Variants in MMD observed in about 807,000 individuals in gnomAD.
The protein encoded by MMD is monocyte to macrophage differentiation factor.
In MMD, 22 loss-of-function variants were observed where a neutral mutation model predicts 33.6. That is an observed-to-expected ratio of 0.66 (90% CI 0.47 to 0.94). The LOEUF (loss-of-function observed/expected upper bound fraction) is 0.94, where lower values mean the gene tolerates loss of function less well. MMD is among the 40% of genes least tolerant of loss of function. The probability of loss-of-function intolerance (pLI) is 0.00; values close to 1 mark genes in which losing one functional copy is unlikely to be tolerated. For synonymous variants in MMD, 97 were observed against 103.2 expected (o/e 0.94, Z 0.36); for missense variants, 242 against 309.8 (o/e 0.78, Z 1.64).
At chr17:55,402,090 A>C (rs1426520419) in intron 5 of MMD, among the ~76,000 whole-genome samples, 3 of 149,310 alleles carry the variant, frequency 2.0e-5, no homozygotes, top group Non-Finnish European at 4.5e-5. Context: ...TCAGTCTCAA[A>C]AAAAAAAAAA....
At position 55,394,467 on chromosome 17, in the gene MMD, A is replaced by G. The variant is rs1374798557; in HGVS notation, c.584T>C (p.Phe195Ser). Residue 195 changes from phenylalanine to serine, a missense_variant, in exon 7 of 7, where the codon TTC (phenylalanine) becomes TCC (serine). Transcript: ENST00000262065. The part of the protein sequence containing the change: ...GLIYCLGVVF[F>S]KSDGIIPFAH... ...AAATGGAATGATGCCATCACTCTTGAAGAACACAACTCCCAAGCAATAAAT... is the reference window on the plus strand; with the variant it reads ...AAATGGAATGATGCCATCACTCTTGGAGAACACAACTCCCAAGCAATAAAT... 3.2e-6 allele frequency: 5 copies of G among 1,548,978 alleles called. No homozygotes were observed. Among genetic ancestry groups the G allele is most frequent in the Non-Finnish European group, 3.5e-6 (4 of 1,151,970 alleles).
chr17:55,417,142 C>T (rs1907996544), intron 1 of MMD, among the ~76,000 whole-genome samples: 1 of 152,152 alleles, frequency 6.6e-6, no homozygotes, highest in South Asian at 2.1e-4. Context: ...CTGCAACCCA[C>T]CAGCAGATCT....
At chr17:55,421,646 G>A (rs1182522473) in intron 1 of MMD, 24 bp downstream of exon 1, 6 of 1,599,588 alleles carry the variant, frequency 3.8e-6, no homozygotes, top group East Asian at 2.3e-5. Context: ...ACGGGCAGCG[G>A]GACCGGGACG....
At chr17:55,421,119 C>A (rs1908169533) in intron 1 of MMD, among the ~76,000 whole-genome samples, 1 of 152,240 alleles carries the variant, frequency 6.6e-6, no homozygotes, top group Admixed American at 6.5e-5. Flanking sequence ...GCTAAGCTGG[C>A]GGAGCGTGCC....
chr17:55,401,074 A>G (rs1244392496), intron 6 of MMD, among the ~76,000 whole-genome samples: 2 of 152,256 alleles, frequency 1.3e-5, no homozygotes, highest in African/African-American at 4.8e-5. Flanking sequence ...AAAGTACCAT[A>G]AAGACAGAAA....
intron 3 of MMD, 152 bp from the exon 4 acceptor site, chr17:55,407,972 T>C (rs1907620781): frequency 1.7e-6 from 1 of 574,346 alleles, no homozygotes; most frequent in Non-Finnish European, 2.9e-6. Flanking sequence ...TTTGTTGCTG[T>C]TAATGTTATG....
intron 1 of MMD, 57 bp from the exon 2 acceptor site, chr17:55,414,289 A>T: frequency 7.2e-6 from 11 of 1,522,284 alleles, no homozygotes; most frequent in Non-Finnish European, 1.0e-5. Context: ...AAGAACAATG[A>T]GGAAACCCAC....
At chr17:55,405,726 G>A in intron 4 of MMD, among the ~76,000 whole-genome samples, 1 of 152,202 alleles carries the variant, frequency 6.6e-6, no homozygotes, top group East Asian at 1.9e-4. Flanking sequence ...AATTTAGTCA[G>A]ATGCTGGGCA....
chr17:55,401,639 A>G, intron 5 of MMD, 101 bp from the exon 6 acceptor site: 1 of 909,272 alleles, frequency 1.1e-6, no homozygotes, highest in Non-Finnish European at 1.6e-6. Context: ...AAGAAATGTA[A>G]ACTCTTAACT....
Position 55,392,962 on chromosome 17 carries a change from A to C in MMD, c.*1372T>G, listed in dbSNP as rs1214337565. ...CATCAGTAAAAAATTTCAATTAATA[A>C]GGTTATCATCAAACCAAGAATTCCA... is the stretch of plus-strand genomic sequence containing the variant. On this transcript the variant is annotated 3_prime_UTR_variant, in exon 7 of 7. Coordinates refer to ENST00000262065, the MANE Select transcript of MMD (RefSeq NM_012329.3). 3 of 152,156 alleles carry C rather than the reference A, an allele frequency of 2.0e-5. No homozygotes were observed. Among genetic ancestry groups the C allele is most frequent in the Admixed American group, 6.6e-5 (1 of 15,264 alleles). The allele number at this position is 152,156 out of a possible 1,614,324, so 9.4% of individuals were successfully genotyped here.
At position 55,411,386 on chromosome 17, in the gene MMD, G is replaced by A; in HGVS notation, c.140C>T (p.Ala47Val). The change falls in exon 3 of 7, where the codon GCC becomes GTC. Residue 47 changes from alanine (A) to valine (V), a missense_variant. Transcript: ENST00000262065. ...FLIVPAIVGSALLHRLSDDCW... is the reference protein window; with the variant it reads ...FLIVPAIVGSVLLHRLSDDCW... ...GTCATCAGACAGCCGATGGAGGAGG[G>A]CACTGCCCACGATGGCCGGAACAAT... The A allele has an allele frequency of 6.2e-7, 1 of 1,613,998 alleles. No homozygotes were observed. Among genetic ancestry groups the A allele is most frequent in the Non-Finnish European group, 8.5e-7 (1 of 1,179,940 alleles).
At chr17:55,395,473 C>A (rs536474815) in intron 6 of MMD, among the ~76,000 whole-genome samples, 5 of 152,322 alleles carry the variant, frequency 3.3e-5, no homozygotes, top group African/African-American at 1.2e-4. Context: ...TGGGCAGCAG[C>A]CTTGTGTGCC....
intron 3 of MMD, among the ~76,000 whole-genome samples, chr17:55,408,042 G>A (rs941558272): frequency 2.6e-5 from 4 of 152,126 alleles, no homozygotes; most frequent in African/African-American, 4.8e-5. Flanking sequence ...GATTCTCTCA[G>A]CATATATAAG....
chr17:55,407,674 G>T, intron 4 of MMD, 72 bp downstream of exon 4: 1 of 1,393,962 alleles, frequency 7.2e-7, no homozygotes, highest in South Asian at 1.2e-5. Context: ...ACAAGAGGGA[G>T]AAAGGAAAGG....
At chr17:55,405,379 GAAA>G (rs10554664) in intron 4 of MMD, among the ~76,000 whole-genome samples, 68 of 114,914 alleles carry the variant, frequency 5.9e-4, no homozygotes, top group Non-Finnish European at 8.8e-4. Flanking sequence ...CCGTCTCAAA[GAAA>G]AAAAAAAAAA....
chr17:55,420,070 A>G (rs1035380788), intron 1 of MMD: 3 of 152,228 alleles, frequency 2.0e-5, no homozygotes, highest in African/African-American at 7.2e-5. Context: ...TGTGCAACAA[A>G]TAATTGAACA....
intron 1 of MMD, among the ~76,000 whole-genome samples, chr17:55,418,765 A>C (rs550630370): frequency 7.9e-5 from 12 of 152,240 alleles, no homozygotes; most frequent in Admixed American, 7.8e-4. Flanking sequence ...GAAAAAAGAC[A>C]ATAGGTAGCC....
chr17:55,414,721 T>C (rs77301778), intron 1 of MMD, among the ~76,000 whole-genome samples: 2,462 of 152,302 alleles, frequency 0.016, 76 homozygotes, highest in African/African-American at 0.056. Context: ...AAGCTTTATA[T>C]AGGCACATCT....
chr17:55,394,498 C>A lies in MMD; in HGVS notation c.553G>T (p.Gly185Cys). The change falls in exon 7 of 7, where the codon GGC (glycine) becomes TGC (cysteine). Residue 185 changes from glycine to cysteine, a missense_variant. By Grantham distance (159) the Gly-to-Cys change is radical. Transcript: ENST00000262065. ...ACAACTCCCAAGCAATAAATTAAGC[C>A]CCCACAGGCAAGTTCCTGAAGTCCA... is the stretch of plus-strand genomic sequence containing the variant. ...TDGLQELACGGLIYCLGVVFF... is the reference protein window; with the variant it reads ...TDGLQELACGCLIYCLGVVFF... 1 of 1,528,138 alleles carries A rather than the reference C, an allele frequency of 6.5e-7. No individual in the cohort carries two copies. The highest frequency in any genetic ancestry group is 1.3e-5 in the South Asian group (1 of 77,590). 94.7% of individuals were successfully genotyped at this position (1,528,138 alleles called of 1,614,324 possible). A position where few individuals can be genotyped will look rare whatever the true frequency, so the allele number is the denominator to read the frequency against.
Sources: gnomAD v4.1 joint callset for allele counts (sites outside exome capture counted in the v4.1 genomes callset) on GRCh38, gnomAD v4.1.1 for gene constraint, MANE v1.5 for transcripts, NCBI Gene and HGNC (gene_info 2026-07-23, HGNC 2026-07-21) for gene names.